The following EYS variants were observed in gnomAD, a reference collection of about 807,000 sequenced individuals.
EYS encodes protein eyes shut homolog.
A neutral mutation model predicts 282.1 loss-of-function variants in EYS; 250 were observed. The ratio of observed to expected loss-of-function variants is 0.89; its 90% CI spans 0.80 to 0.98. The LOEUF (loss-of-function observed/expected upper bound fraction) is 0.98, where lower values mean the gene tolerates loss of function less well. Among genes scored for constraint, EYS ranks in the 50% least tolerant of loss-of-function variants. The pLI is 0.00. For missense variants in EYS, 4,016 were observed against 3,709.0 expected (o/e 1.08, Z -2.15); for synonymous variants, 1,355 against 1,282.9 (o/e 1.06, Z -1.20).
chr6:64,331,427 A>G (rs1413658805), intron 29 of EYS, among the ~76,000 whole-genome samples: 1 of 152,120 alleles, frequency 6.6e-6, no homozygotes, highest in Non-Finnish European at 1.5e-5. Context: ...GCAATGACAG[A>G]GGTAACTAAG....
intron 12 of EYS, among the ~76,000 whole-genome samples, chr6:65,139,613 T>A (rs1764274310): frequency 6.6e-6 from 1 of 151,952 alleles, no homozygotes; most frequent in Non-Finnish European, 1.5e-5. Flanking sequence ...ACAGACCCGC[T>A]CCCACCCTCA....
intron 35 of EYS, among the ~76,000 whole-genome samples, chr6:63,979,956 A>G (rs1767011624): frequency 6.6e-6 from 1 of 151,930 alleles, no homozygotes; most frequent in Non-Finnish European, 1.5e-5. Flanking sequence ...TCAACATGAA[A>G]TTTGTCTTCT....
At chr6:65,456,445 T>C (rs1582319808) in intron 5 of EYS, among the ~76,000 whole-genome samples, 1 of 133,634 alleles carries the variant, frequency 7.5e-6, no homozygotes, top group East Asian at 2.4e-4. Flanking sequence ...TGAGACTCTG[T>C]CTCAAAAAAA....
intron 22 of EYS, among the ~76,000 whole-genome samples, chr6:64,703,362 CA>C (rs1770852839): frequency 8.9e-6 from 1 of 111,822 alleles, no homozygotes; most frequent in Non-Finnish European, 2.0e-5. Flanking sequence ...TATATACATA[CA>C]CATACAAACA....
intron 29 of EYS, among the ~76,000 whole-genome samples, chr6:64,382,855 A>G (rs1772791498): frequency 6.6e-6 from 1 of 152,202 alleles, no homozygotes; most frequent in African/African-American, 2.4e-5. Flanking sequence ...AAGATGCATC[A>G]GAGTAAAAAA....
intron 30 of EYS, among the ~76,000 whole-genome samples, chr6:64,247,242 A>T (rs1203960883): frequency 6.6e-6 from 1 of 152,194 alleles, no homozygotes; most frequent in Middle Eastern, 3.2e-3. Context: ...GTGAAAGACA[A>T]GTCAGTAATC....
chr6:65,673,636 G>A (rs1457002458), intron 1 of EYS, among the ~76,000 whole-genome samples: 5 of 151,894 alleles, frequency 3.3e-5, no homozygotes, highest in South Asian at 4.1e-4. Context: ...TCCATTCTAC[G>A]TTTCCTGAAG....
chr6:64,965,972 G>A (rs888458685), intron 14 of EYS, among the ~76,000 whole-genome samples: 1 of 150,668 alleles, frequency 6.6e-6, no homozygotes, highest in African/African-American at 2.4e-5. Context: ...GTGTGTGTGT[G>A]TGTGTGCGCC....
intron 34 of EYS, among the ~76,000 whole-genome samples, chr6:63,995,443 C>T (rs1339580281): frequency 3.3e-5 from 5 of 151,856 alleles, no homozygotes; most frequent in African/African-American, 4.8e-5. Flanking sequence ...TTTATGAGCA[C>T]GGTTGGTCAG....
chr6:64,963,026 T>A (rs1186630925), intron 14 of EYS, among the ~76,000 whole-genome samples: 1 of 152,198 alleles, frequency 6.6e-6, no homozygotes. Flanking sequence ...TTTGAACTTT[T>A]ATGGTAAAAG....
chr6:63,726,864 G>A (rs1768634163), intron 41 of EYS, among the ~76,000 whole-genome samples, 184 bp from the exon 42 acceptor site: 1 of 152,118 alleles, frequency 6.6e-6, no homozygotes, highest in South Asian at 2.1e-4. Context: ...ACTAACTTTA[G>A]GGTTTTGTAA....
chr6:64,842,304 A>G (rs1237418833), intron 19 of EYS, among the ~76,000 whole-genome samples: 6 of 151,382 alleles, frequency 4.0e-5, no homozygotes, highest in African/African-American at 1.5e-4. Context: ...GCTAAACCAA[A>G]TTTCCAATAA....
intron 31 of EYS, among the ~76,000 whole-genome samples, chr6:64,191,407 G>A (rs1765099984): frequency 6.6e-6 from 1 of 151,936 alleles, no homozygotes; most frequent in Non-Finnish European, 1.5e-5. Context: ...ATGTATACAT[G>A]CGACATGCTG....
At chr6:65,593,671 T>C (rs1203342805) in intron 2 of EYS, among the ~76,000 whole-genome samples, 1 of 151,936 alleles carries the variant, frequency 6.6e-6, no homozygotes, top group African/African-American at 2.4e-5. Flanking sequence ...CTACTTACTC[T>C]CCCATAGCAA....
At chr6:64,157,614 C>T (rs1226742625) in intron 31 of EYS, among the ~76,000 whole-genome samples, 1 of 152,168 alleles carries the variant, frequency 6.6e-6, no homozygotes, top group Non-Finnish European at 1.5e-5. Context: ...CCCTGCATCC[C>T]AATTGCTCCA....
intron 26 of EYS, among the ~76,000 whole-genome samples, chr6:64,489,646 G>GTATA (rs1776679411): frequency 6.7e-6 from 1 of 149,182 alleles, no homozygotes; most frequent in Non-Finnish European, 1.5e-5. Context: ...TCTTATTTTT[G>GTATA]TTTTAGGTAC....
intron 2 of EYS, among the ~76,000 whole-genome samples, chr6:65,634,320 G>A (rs920804884): frequency 5.3e-5 from 8 of 152,128 alleles, no homozygotes; most frequent in Admixed American, 3.9e-4. Flanking sequence ...TGTTAGTAGT[G>A]TTACTTGATT....
intron 31 of EYS, among the ~76,000 whole-genome samples, chr6:64,224,055 AC>A (rs1334091143): frequency 6.6e-6 from 1 of 152,040 alleles, no homozygotes; most frequent in African/African-American, 2.4e-5. Flanking sequence ...AAAGAATGGA[AC>A]CTTTACTGTG....
intron 26 of EYS, among the ~76,000 whole-genome samples, chr6:64,441,113 A>G (rs1032914998): frequency 6.6e-6 from 1 of 152,218 alleles, no homozygotes; most frequent in Non-Finnish European, 1.5e-5. Context: ...ACAGTTTACA[A>G]GTGAAAAACT....
Sources: gnomAD v4.1 joint callset for allele counts (sites outside exome capture counted in the v4.1 genomes callset) on GRCh38, gnomAD v4.1.1 for gene constraint, MANE v1.5 for transcripts, NCBI Gene and HGNC (gene_info 2026-07-23, HGNC 2026-07-21) for gene names.